The following FANK1 variants were observed in gnomAD, a reference collection of about 807,000 sequenced individuals.
FANK1 encodes fibronectin type III and ankyrin repeat domains 1.
Under a neutral mutation model 45.3 loss-of-function variants are expected in FANK1, and 44 were observed. That is an observed-to-expected ratio of 0.97 (90% CI 0.76 to 1.25). FANK1 has a LOEUF of 1.25. Among genes scored for constraint, FANK1 ranks in the 50% most tolerant of loss-of-function variants. FANK1 has a pLI of 0.00. For synonymous variants in FANK1, 149 were observed against 152.5 expected, an observed-to-expected ratio of 0.98 and a Z score of 0.17; for missense variants, 391 against 424.4, an observed-to-expected ratio of 0.92 and a Z score of 0.69.
chr10:125,933,847 G>A (rs1287622851), intron 1 of FANK1, among the ~76,000 whole-genome samples: 1 of 152,122 alleles, frequency 6.6e-6, no homozygotes, highest in Non-Finnish European at 1.5e-5. Flanking sequence ...TTGTCATTCA[G>A]TTTGAAGAAT....
chr10:125,983,206 C>T lies in FANK1; in HGVS notation c.191+2868C>T, dbSNP rs941788039. On this transcript the variant is annotated intron_variant, in intron 2 of 10. Coordinates refer to ENST00000368693, the MANE Select transcript of FANK1 (RefSeq NM_145235.5). The surrounding 1 kb of genome is among the most constrained non-coding windows in gnomAD (Gnocchi z 4.3). ...GTTTGGACAGATTTTCCCCTCTCAC[C>T]CTATTCTTTCTTCTGCCCTGGTCAG... Among the ~76,000 whole-genome samples, 2 of 152,086 alleles carry T rather than the reference C, an allele frequency of 1.3e-5. No individual in the cohort carries two copies. The highest frequency in any genetic ancestry group is 1.9e-4 in the East Asian group (1 of 5,182).
At chr10:125,952,746 C>G (rs11591792) in intron 1 of FANK1, among the ~76,000 whole-genome samples, 1 of 148,300 alleles carries the variant, frequency 6.7e-6, no homozygotes, top group Admixed American at 6.8e-5. Flanking sequence ...AGTTGTTTGT[C>G]TCCCTCTGTC....
chr10:126,008,699 G>T (rs1380609387), intron 8 of FANK1, 149 bp downstream of exon 8: 11 of 911,584 alleles, frequency 1.2e-5, no homozygotes, highest in Non-Finnish European at 1.8e-5. Context: ...TGTTCATAAG[G>T]GCATGAGGCT....
chr10:125,982,751 G>A (rs946890876), intron 2 of FANK1, among the ~76,000 whole-genome samples: 1 of 152,138 alleles, frequency 6.6e-6, no homozygotes, highest in East Asian at 1.9e-4. Context: ...CTCATAGCCA[G>A]TCAGTTACTG....
At chr10:125,962,783 T>A (rs1485535859) in intron 1 of FANK1, among the ~76,000 whole-genome samples, 1 of 152,120 alleles carries the variant, frequency 6.6e-6, no homozygotes, top group Non-Finnish European at 1.5e-5. Flanking sequence ...TTCTTTCTGT[T>A]ACTGTTATTT....
chr10:125,954,914 GTC>G (rs1184200653), intron 1 of FANK1, among the ~76,000 whole-genome samples: 2 of 151,914 alleles, frequency 1.3e-5, no homozygotes, highest in African/African-American at 4.8e-5. Context: ...GAGTAAGACT[GTC>G]TCAAAAAAAT....
chr10:125,962,034 AAC>A (rs1949958682), intron 1 of FANK1, among the ~76,000 whole-genome samples: 1 of 152,232 alleles, frequency 6.6e-6, no homozygotes. Flanking sequence ...GGAAACAATA[AAC>A]ACAGTGAAAG....
intron 1 of FANK1, among the ~76,000 whole-genome samples, chr10:125,978,529 A>G (rs1171075247): frequency 6.6e-6 from 1 of 152,024 alleles, no homozygotes; most frequent in South Asian, 2.1e-4. Flanking sequence ...AGGGGTGGCT[A>G]GAGGCCCCAG....
At chr10:126,003,761 C>T (rs1011432755) in intron 6 of FANK1, among the ~76,000 whole-genome samples, 2 of 151,870 alleles carry the variant, frequency 1.3e-5, no homozygotes, top group Non-Finnish European at 2.9e-5. Context: ...CTGCAACCTC[C>T]GCCTCCTGGG....
chr10:125,993,879 A>G (rs1205105715), intron 3 of FANK1, among the ~76,000 whole-genome samples: 1 of 152,238 alleles, frequency 6.6e-6, no homozygotes, highest in Non-Finnish European at 1.5e-5. Context: ...ATTTATTTTT[A>G]TGAAAGAAAG....
chr10:125,954,224 A>C (rs1949433659), intron 1 of FANK1, among the ~76,000 whole-genome samples: 1 of 141,490 alleles, frequency 7.1e-6, no homozygotes, highest in Admixed American at 7.0e-5. Flanking sequence ...CGGGTAGCAG[A>C]TGTGGGCTCT....
intron 1 of FANK1, among the ~76,000 whole-genome samples, chr10:125,968,197 A>G (rs1378860883): frequency 1.3e-5 from 2 of 151,420 alleles, no homozygotes; most frequent in Non-Finnish European, 2.9e-5. Context: ...GCCTCATGTG[A>G]TCCTCTCACC....
At chr10:125,986,038 C>T (rs573733310) in intron 2 of FANK1, among the ~76,000 whole-genome samples, 70 of 152,324 alleles carry the variant, frequency 4.6e-4, no homozygotes, top group African/African-American at 1.6e-3. Flanking sequence ...CACTTCCCAT[C>T]CTGTTCAAGG....
chr10:125,950,420 G>GA (rs1461258255), intron 1 of FANK1, among the ~76,000 whole-genome samples: 3 of 149,374 alleles, frequency 2.0e-5, no homozygotes, highest in African/African-American at 5.0e-5. Flanking sequence ...TAATTTACAA[G>GA]AAAAAAACAA....
chr10:125,949,687 G>C (rs1376036296), intron 1 of FANK1, among the ~76,000 whole-genome samples: 1 of 144,126 alleles, frequency 6.9e-6, no homozygotes, highest in Non-Finnish European at 1.5e-5. Context: ...TGGCCATACT[G>C]CCCAAGGTAA....
chr10:125,995,053 T>C (rs1274183284), intron 3 of FANK1: 1 of 654,298 alleles, frequency 1.5e-6, no homozygotes, highest in Non-Finnish European at 1.9e-6. Flanking sequence ...TAACATCTCT[T>C]TGGCAAATAA....
intron 2 of FANK1, among the ~76,000 whole-genome samples, chr10:125,982,894 A>G (rs112940916): frequency 1.3e-5 from 2 of 148,288 alleles, no homozygotes; most frequent in Non-Finnish European, 3.0e-5. Flanking sequence ...GTATTTTCTG[A>G]TGGAAGGAGT....
chr10:125,956,996 C>T (rs1564912263), intron 1 of FANK1, among the ~76,000 whole-genome samples: 1 of 152,146 alleles, frequency 6.6e-6, no homozygotes, highest in Non-Finnish European at 1.5e-5. Context: ...CTAGCCGGGA[C>T]TACAGGTGTG....
rs147117629 is a variant in FANK1 at position 125,977,286 on chromosome 10, G to T, written c.14-2875G>T. 1.4e-3 allele frequency among the ~76,000 whole-genome samples: 215 copies of T among 152,270 alleles called. 2 individuals carry two copies. Among genetic ancestry groups the T allele is most frequent in the African/African-American group, 4.9e-3 (203 of 41,532 alleles). On this transcript the variant is annotated intron_variant, in intron 1 of 10. Coordinates refer to ENST00000368693, the MANE Select transcript of FANK1 (RefSeq NM_145235.5). ...CTTCTTTTCTGGATGTTTTCACTGG[G>T]CTGATGCTTTATGTAGGGTCTTTAT...
Sources: allele counts gnomAD v4.1 joint callset (sites outside exome capture counted in the v4.1 genomes callset), GRCh38; gene constraint gnomAD v4.1.1; non-coding constraint Gnocchi (gnomAD v3.1); transcripts MANE v1.5; gene names NCBI Gene and HGNC (gene_info 2026-07-23, HGNC 2026-07-21).